Variants in LINGO2 observed in about 807,000 individuals in gnomAD.
LINGO2 encodes leucine rich repeat and Ig domain containing 2.
A neutral mutation model predicts 30.6 loss-of-function variants in LINGO2; 14 were observed. That is an observed-to-expected ratio of 0.46 (90% confidence interval 0.30 to 0.72). LINGO2 has a LOEUF of 0.72. Among genes scored for constraint, LINGO2 ranks in the 30% least tolerant of loss-of-function variants. The pLI, the probability that LINGO2 is intolerant of heterozygous loss-of-function variation, is 0.07. For synonymous variants in LINGO2, 317 were observed against 288.5 expected (o/e 1.10, Z -1.00); for missense variants, 729 against 751.7 (o/e 0.97, Z 0.35).
the LINGO2 span, among the ~76,000 whole-genome samples, chr9:29,209,686 G>A: frequency 2.6e-5 from 4 of 151,860 alleles, no homozygotes; most frequent in East Asian, 3.9e-4. Flanking sequence ...CAGGAAATAC[G>A]GTATTTTATG....
the LINGO2 span, among the ~76,000 whole-genome samples, chr9:28,841,881 T>C: frequency 1.3e-5 from 2 of 151,830 alleles, no homozygotes; most frequent in African/African-American, 4.9e-5. Flanking sequence ...ACCATACTAA[T>C]ATCTTGAGAG....
chr9:28,567,953 G>A (rs1023951996), intron 1 of LINGO2, among the ~76,000 whole-genome samples: 2 of 152,052 alleles, frequency 1.3e-5, no homozygotes, highest in African/African-American at 4.8e-5. Flanking sequence ...AACAAGCAAA[G>A]CTGACTTCCC....
chr9:28,393,167 T>A (rs569623834), intron 2 of LINGO2, among the ~76,000 whole-genome samples: 1 of 152,368 alleles, frequency 6.6e-6, no homozygotes, highest in Admixed American at 6.5e-5. Context: ...TAGGTAATTC[T>A]TATATCTGTC....
chr9:28,810,219 T>C, the LINGO2 span, among the ~76,000 whole-genome samples: 1 of 152,196 alleles, frequency 6.6e-6, no homozygotes, highest in Non-Finnish European at 1.5e-5. Flanking sequence ...AACACATGTA[T>C]CTGAGATGTG....
the LINGO2 span, among the ~76,000 whole-genome samples, chr9:28,794,177 G>A: frequency 2.0e-5 from 3 of 152,112 alleles, no homozygotes; most frequent in Non-Finnish European, 2.9e-5. Flanking sequence ...GGCGGCGGGC[G>A]CCTGTAGTCC....
At chr9:28,802,910 A>T in the LINGO2 span, among the ~76,000 whole-genome samples, 2 of 152,128 alleles carry the variant, frequency 1.3e-5, no homozygotes, top group Admixed American at 6.6e-5. Flanking sequence ...GGATATTGTC[A>T]CCTTGTCCTC....
the LINGO2 span, among the ~76,000 whole-genome samples, chr9:28,905,999 C>T: frequency 6.6e-6 from 1 of 152,052 alleles, no homozygotes; most frequent in Non-Finnish European, 1.5e-5. Context: ...GAAATCCCTT[C>T]ACTTGCAACA....
the LINGO2 span, among the ~76,000 whole-genome samples, chr9:28,806,004 G>A: frequency 6.6e-6 from 1 of 152,044 alleles, no homozygotes; most frequent in African/African-American, 2.4e-5. Flanking sequence ...TGCCTACAAT[G>A]AAATACACAG....
chr9:28,961,796 A>G, the LINGO2 span, among the ~76,000 whole-genome samples: 1 of 152,184 alleles, frequency 6.6e-6, no homozygotes, highest in Admixed American at 6.5e-5. Context: ...TAGTGTTCTC[A>G]TTCCTGATCA....
chr9:27,958,774 G>C (rs1334077113), intron 5 of LINGO2, among the ~76,000 whole-genome samples: 1 of 151,940 alleles, frequency 6.6e-6, no homozygotes, highest in African/African-American at 2.4e-5. Context: ...GGTTAAGGGG[G>C]GACTACTGCA....
chr9:29,051,966 ATG>A, the LINGO2 span, among the ~76,000 whole-genome samples: 2 of 152,036 alleles, frequency 1.3e-5, no homozygotes, highest in African/African-American at 4.8e-5. Flanking sequence ...TAATAAGCAG[ATG>A]TGTGTGAATA....
At chr9:28,189,256 GAAGGA>G (rs1819661733) in intron 4 of LINGO2, among the ~76,000 whole-genome samples, 1 of 127,098 alleles carries the variant, frequency 7.9e-6, no homozygotes, top group Admixed American at 8.4e-5. Context: ...AGGAAGGGAG[GAAGGA>G]AGGGAGGGAG....
At chr9:28,849,488 TA>T in the LINGO2 span, among the ~76,000 whole-genome samples, 1 of 152,046 alleles carries the variant, frequency 6.6e-6, no homozygotes, top group Admixed American at 6.6e-5. Context: ...TACCAAAGAC[TA>T]AAAACTTTGC....
intron 1 of LINGO2, among the ~76,000 whole-genome samples, chr9:28,666,999 T>C (rs909335998): frequency 6.6e-6 from 1 of 152,146 alleles, no homozygotes; most frequent in Non-Finnish European, 1.5e-5. Flanking sequence ...TAGTATTAAA[T>C]AAAATGTATA....
chr9:28,475,516 G>C (rs544729365), intron 2 of LINGO2, among the ~76,000 whole-genome samples: 3 of 152,074 alleles, frequency 2.0e-5, no homozygotes, highest in Non-Finnish European at 2.9e-5. Flanking sequence ...AATAATACAC[G>C]AAAGTATTTA....
chr9:28,751,272 C>G, the LINGO2 span, among the ~76,000 whole-genome samples: 165 of 91,492 alleles, frequency 1.8e-3, 1 homozygote, highest in Non-Finnish European at 2.5e-3. Flanking sequence ...ATCTGGGTAA[C>G]GAAGCAAGAT....
At chr9:28,547,734 GAGTAGGAA>G (rs1822025263) in intron 1 of LINGO2, among the ~76,000 whole-genome samples, 1 of 152,082 alleles carries the variant, frequency 6.6e-6, no homozygotes, top group South Asian at 2.1e-4. Flanking sequence ...AAAAGGAAAG[GAGTAGGAA>G]ACTGGGCTTA....
chr9:29,170,555 T>C, the LINGO2 span, among the ~76,000 whole-genome samples: 1 of 152,194 alleles, frequency 6.6e-6, no homozygotes, highest in East Asian at 1.9e-4. Flanking sequence ...TATATCTATA[T>C]AACACAACTC....
chr9:29,189,383 T>G, the LINGO2 span, among the ~76,000 whole-genome samples: 1 of 142,438 alleles, frequency 7.0e-6, no homozygotes, highest in African/African-American at 2.7e-5. Flanking sequence ...GACGGGGCGG[T>G]TGCCGGGCAG....
Sources: gnomAD v4.1 joint callset for allele counts (sites outside exome capture counted in the v4.1 genomes callset) on GRCh38, gnomAD v4.1.1 for gene constraint, MANE v1.5 for transcripts, NCBI Gene and HGNC (gene_info 2026-07-23, HGNC 2026-07-21) for gene names.